HMGN4: variants seen among roughly 807,000 people sequenced by gnomAD.
HMGN4 encodes the protein high mobility group nucleosome-binding domain-containing protein 4.
For synonymous variants in HMGN4, 39 were observed against 39.1 expected (o/e 1.00, Z 0.01); for missense variants, 69 against 104.9 (o/e 0.66, Z 1.49).
chr6:26,540,211 C>T (rs1425410565), intron 1 of HMGN4, among the ~76,000 whole-genome samples: 2 of 152,206 alleles, frequency 1.3e-5, no homozygotes, highest in East Asian at 1.9e-4. Flanking sequence ...ACTTAACCTC[C>T]GTGGAAACTC....
intron 1 of HMGN4, among the ~76,000 whole-genome samples, chr6:26,540,506 T>C (rs1764276556): frequency 6.6e-6 from 1 of 152,070 alleles, no homozygotes; most frequent in South Asian, 2.1e-4. Flanking sequence ...AGCTAATTTT[T>C]GTATTTTTAG....
rs1352672659 is a variant in HMGN4, at chr6:26,538,504, A to T, written c.-81+3A>T. 2.0e-5 allele frequency: 3 copies of T among 152,520 alleles called. No homozygotes were observed. In the East Asian group the frequency reaches 5.8e-4, roughly 29 times the overall value. The allele number at this position is 152,520 out of a possible 1,614,324, so 9.4% of individuals were successfully genotyped here. Reference sequence around the variant, plus strand: ...CCTCGGACGGCCACGAGACTCGGGTAAGTGCCTCACAGACTTTGTGCGCTA... The same window carrying T: ...CCTCGGACGGCCACGAGACTCGGGTTAGTGCCTCACAGACTTTGTGCGCTA... On this transcript the variant is annotated splice_donor_region_variant and intron_variant, in intron 1 of 1. Coordinates refer to ENST00000377575, the MANE Select transcript of HMGN4 (RefSeq NM_006353.3).
At chr6:26,541,286 C>T (rs1452406492) in intron 1 of HMGN4, among the ~76,000 whole-genome samples, 1 of 152,166 alleles carries the variant, frequency 6.6e-6, no homozygotes, top group East Asian at 1.9e-4. Flanking sequence ...CCACCTTGGC[C>T]TCCCAAAGTT....
At chr6:26,544,281 T>C (rs1048621361) in intron 1 of HMGN4, among the ~76,000 whole-genome samples, 4 of 152,210 alleles carry the variant, frequency 2.6e-5, no homozygotes, top group Non-Finnish European at 5.9e-5. Flanking sequence ...TATATGTTTG[T>C]GGCCTCAACA....
At chr6:26,543,558 C>G (rs1213726105) in intron 1 of HMGN4, among the ~76,000 whole-genome samples, 1 of 138,558 alleles carries the variant, frequency 7.2e-6, no homozygotes, top group Non-Finnish European at 1.5e-5. Context: ...GTCAGGAGTT[C>G]GAGACTAGCC....
intron 1 of HMGN4, among the ~76,000 whole-genome samples, chr6:26,543,768 C>CAAAAAA (rs60635902): frequency 2.6e-5 from 1 of 38,332 alleles, no homozygotes; most frequent in Non-Finnish European, 4.2e-5. Flanking sequence ...GACTCTATCT[C>CAAAAAA]AAAAAAAAAA....
At chr6:26,538,762 A>T (rs569223418) in intron 1 of HMGN4, among the ~76,000 whole-genome samples, 1 of 152,244 alleles carries the variant, frequency 6.6e-6, no homozygotes, top group East Asian at 1.9e-4. Flanking sequence ...CCGGGATGAG[A>T]AGTCCTAATC....
chr6:26,539,515 C>A (rs929136341), intron 1 of HMGN4, among the ~76,000 whole-genome samples: 1 of 151,922 alleles, frequency 6.6e-6, no homozygotes, highest in African/African-American at 2.4e-5. Flanking sequence ...AAGTGATCCG[C>A]CCGCCTCGGC....
chr6:26,543,986 C>T (rs1764319860), intron 1 of HMGN4, among the ~76,000 whole-genome samples: 1 of 152,096 alleles, frequency 6.6e-6, no homozygotes, highest in Non-Finnish European at 1.5e-5. Context: ...ATTACTCAAA[C>T]TCAAACTATT....
rs1764350967 is a variant in HMGN4 at position 26,546,412 on chromosome 6, G to A, written c.*933G>A. ...CTTAACATTTTTCATATTCGAAGTG[G>A]TTGTCTCTGCACTATTTACTGAAAA... On this transcript the variant is annotated 3_prime_UTR_variant, in exon 2 of 2. Transcript: ENST00000377575. Among the ~76,000 whole-genome samples the A allele has an allele frequency of 6.6e-6, 1 of 152,186 alleles. No homozygotes were observed. Among genetic ancestry groups the A allele is most frequent in the Non-Finnish European group, 1.5e-5 (1 of 68,040 alleles).
At chr6:26,543,978 TACTCAA>T (rs1037060261) in intron 1 of HMGN4, among the ~76,000 whole-genome samples, 44 of 152,210 alleles carry the variant, frequency 2.9e-4, no homozygotes, top group African/African-American at 9.9e-4. Context: ...AAGTCCTAAT[TACTCAA>T]ACTCAAACTA....
In HMGN4 at chr6:26,546,089, T is replaced by C. The variant is rs765175769; in HGVS notation, c.*610T>C. 1 of 167,130 alleles carries C rather than the reference T, an allele frequency of 6.0e-6. No individual in the cohort carries two copies. Among genetic ancestry groups the C allele is most frequent in the Admixed American group, 6.5e-5 (1 of 15,288 alleles). 10.4% of individuals were successfully genotyped at this position (167,130 alleles called of 1,614,324 possible). A position where few individuals can be genotyped will look rare whatever the true frequency, so the allele number is the denominator to read the frequency against. ...GAAGTGTCCACCCTCTCTGAAAATC[T>C]TTCTTGTTCAAAACAGCAACGACAT... is the stretch of plus-strand genomic sequence containing the variant. On this transcript the variant is annotated 3_prime_UTR_variant, in exon 2 of 2. Transcript: ENST00000377575.
At chr6:26,541,139 C>T (rs1248733504) in intron 1 of HMGN4, among the ~76,000 whole-genome samples, 2 of 152,074 alleles carry the variant, frequency 1.3e-5, no homozygotes, top group African/African-American at 4.8e-5. Context: ...CTCTGCCTCC[C>T]GGGTTCAAGC....
Position 26,542,691 on chromosome 6 carries a change from C to G in HMGN4, c.-80-2436C>G, listed in dbSNP as rs1452559741. On this transcript the variant is annotated intron_variant, in intron 1 of 1. Coordinates refer to ENST00000377575, the MANE Select transcript of HMGN4 (RefSeq NM_006353.3). This position sits in a 1 kb window ranked among gnomAD's most constrained non-coding sequence, Gnocchi z 4.6. Reference sequence around the variant, plus strand: ...CACATTTGTAAGGTCTCTAGAGAGTCAGTGACCTGGTCTCCTAATCAGCTT... The same window carrying G: ...CACATTTGTAAGGTCTCTAGAGAGTGAGTGACCTGGTCTCCTAATCAGCTT... 6.6e-6 allele frequency among the ~76,000 whole-genome samples: 1 copy of G among 152,198 alleles called. No individual in the cohort carries two copies. Among genetic ancestry groups the G allele is most frequent in the Non-Finnish European group, 1.5e-5 (1 of 68,032 alleles).
Position 26,546,378 on chromosome 6 carries a change from G to A in HMGN4, c.*899G>A, listed in dbSNP as rs1764350584. The A allele has an allele frequency of 1.2e-5, 2 of 167,010 alleles. No homozygotes were observed. Among genetic ancestry groups the A allele is most frequent in the Non-Finnish European group, 2.9e-5 (2 of 68,126 alleles). 10.3% of individuals were successfully genotyped at this position (167,010 alleles called of 1,614,324 possible). ...TGATTTTTGTGAAAATTATGAGTTA[G>A]AAATTCAACTTAACATTTTTCATAT... On this transcript the variant is annotated 3_prime_UTR_variant, in exon 2 of 2. Coordinates refer to ENST00000377575, the MANE Select transcript of HMGN4 (RefSeq NM_006353.3).
rs1287619692 is a variant in HMGN4 at position 26,538,373 on chromosome 6, T to G, written c.-209T>G. On this transcript the variant is annotated 5_prime_UTR_variant, in exon 1 of 2. Coordinates refer to ENST00000377575, the MANE Select transcript of HMGN4 (RefSeq NM_006353.3). ...TCACCTTCCCTCGCCTTCCTGTTCC[T>G]GGCGGAGCCGGGCTCCGCTCGTCTT... 6.6e-6 allele frequency: 1 copy of G among 152,486 alleles called. No individual in the cohort carries two copies. Among genetic ancestry groups the G allele is most frequent in the Non-Finnish European group, 1.5e-5 (1 of 68,270 alleles). The allele number at this position is 152,486 out of a possible 1,614,324, so 9.4% of individuals were successfully genotyped here. A position where few individuals can be genotyped will look rare whatever the true frequency, so the allele number is the denominator to read the frequency against.
chr6:26,538,940 A>G (rs1764253063), intron 1 of HMGN4, among the ~76,000 whole-genome samples: 1 of 152,176 alleles, frequency 6.6e-6, no homozygotes, highest in Admixed American at 6.5e-5. Flanking sequence ...GGAGACACCC[A>G]AGGGCTGAGT....
In HMGN4 at chr6:26,542,120, A is replaced by G. The variant is rs1764293090; in HGVS notation, c.-80-3007A>G. Among the ~76,000 whole-genome samples, 1 of 152,342 alleles carries G rather than the reference A, an allele frequency of 6.6e-6. No individual in the cohort carries two copies. Among genetic ancestry groups the G allele is most frequent in the South Asian group, 2.1e-4 (1 of 4,826 alleles). ...ATAATTTTTCTTTTCTTCCACATGCATGAAGGAGTATTTGTAATGACTTTT... is the reference window on the plus strand; with the variant it reads ...ATAATTTTTCTTTTCTTCCACATGCGTGAAGGAGTATTTGTAATGACTTTT... On this transcript the variant is annotated intron_variant, in intron 1 of 1. Coordinates refer to ENST00000377575, the MANE Select transcript of HMGN4 (RefSeq NM_006353.3). The surrounding 1 kb of genome is among the most constrained non-coding windows in gnomAD (Gnocchi z 4.6).
At chr6:26,539,634 TAAA>T (rs61003052) in intron 1 of HMGN4, among the ~76,000 whole-genome samples, 184 of 125,172 alleles carry the variant, frequency 1.5e-3, no homozygotes, top group East Asian at 3.3e-3. Flanking sequence ...TCCGCAAAAT[TAAA>T]AAAAAAAAAA....
Sources: allele counts gnomAD v4.1 joint callset (sites outside exome capture counted in the v4.1 genomes callset), GRCh38; gene constraint gnomAD v4.1.1; non-coding constraint Gnocchi (gnomAD v3.1); transcripts MANE v1.5; gene names NCBI Gene and HGNC (gene_info 2026-07-23, HGNC 2026-07-21).